PBX3: variants seen among roughly 807,000 people sequenced by gnomAD.
The protein encoded by PBX3 is pre-B-cell leukemia transcription factor 3.
A neutral mutation model predicts 48.5 loss-of-function variants in PBX3; 14 were observed. The ratio of observed to expected loss-of-function variants is 0.29; its 90% CI spans 0.19 to 0.45. The LOEUF (loss-of-function observed/expected upper bound fraction) is 0.45. Ranked by LOEUF, PBX3 falls within the 20% of genes least tolerant of loss-of-function variation. The pLI is 1.00. For synonymous variants in PBX3, 210 were observed against 200.3 expected (o/e 1.05, Z -0.41); for missense variants, 386 against 546.7 (o/e 0.71, Z 2.93).
intron 5 of PBX3, among the ~76,000 whole-genome samples, chr9:125,956,261 G>C (rs995543967): frequency 1.3e-5 from 2 of 152,174 alleles, no homozygotes; most frequent in Admixed American, 6.5e-5. Flanking sequence ...ATAGCAGAGC[G>C]TGAATTTGAA....
At chr9:125,831,294 CT>C (rs1292196586) in intron 2 of PBX3, among the ~76,000 whole-genome samples, 3 of 152,182 alleles carry the variant, frequency 2.0e-5, no homozygotes, top group African/African-American at 7.2e-5. Flanking sequence ...AGCCTGATTT[CT>C]TCATTGTAAA....
rs1247258678 is a variant in PBX3 at position 125,792,048 on chromosome 9, ACG to A, written c.274+43427_274+43428del. On this transcript the variant is annotated intron_variant, in intron 2 of 8. Coordinates refer to ENST00000373489, the MANE Select transcript of PBX3 (RefSeq NM_006195.6). Reference sequence around the variant, plus strand: ...GGATTAATACTACACACACACACGCACGCACGCACGCACGCACGCACGCACGC... The same window carrying A: ...GGATTAATACTACACACACACACGCACACGCACGCACGCACGCACGCACGC... 4.6e-4 allele frequency among the ~76,000 whole-genome samples: 52 copies of A among 113,226 alleles called. 1 individual carries two copies. Among genetic ancestry groups the A allele is most frequent in the South Asian group, 2.3e-3 (10 of 4,418 alleles). The allele number at this position is 113,226 out of a possible 152,430, so 74.3% of individuals were successfully genotyped here.
intron 2 of PBX3, among the ~76,000 whole-genome samples, chr9:125,771,187 AT>A (rs1325448379): frequency 3.3e-5 from 5 of 152,210 alleles, no homozygotes; most frequent in Non-Finnish European, 7.4e-5. Context: ...TCTGAGATTG[AT>A]TTTATGATGC....
chr9:125,818,184 G>A (rs1838523955), intron 2 of PBX3, among the ~76,000 whole-genome samples: 1 of 5,474 alleles, frequency 1.8e-4, no homozygotes, highest in Non-Finnish European at 5.0e-4. Context: ...GGGTGACAGA[G>A]CAAGCCTTTC....
chr9:125,833,329 G>C (rs763075687), intron 2 of PBX3, among the ~76,000 whole-genome samples: 5 of 151,762 alleles, frequency 3.3e-5, no homozygotes, highest in Non-Finnish European at 7.4e-5. Flanking sequence ...ACTAAAAATA[G>C]AAAAATTAGC....
At chr9:125,787,420 A>G (rs1251609884) in intron 2 of PBX3, among the ~76,000 whole-genome samples, 2 of 152,270 alleles carry the variant, frequency 1.3e-5, no homozygotes, top group African/African-American at 2.4e-5. Context: ...GTTACTCCAG[A>G]TAATGAAAGA....
intron 2 of PBX3, among the ~76,000 whole-genome samples, chr9:125,841,704 G>C (rs1413579090): frequency 6.6e-6 from 1 of 152,126 alleles, no homozygotes; most frequent in African/African-American, 2.4e-5. Flanking sequence ...CTTTTGTTCA[G>C]AATGCTGTTG....
At chr9:125,801,228 GA>G (rs1837934696) in intron 2 of PBX3, among the ~76,000 whole-genome samples, 1 of 152,148 alleles carries the variant, frequency 6.6e-6, no homozygotes, top group Non-Finnish European at 1.5e-5. Context: ...ATATCCTTTT[GA>G]TTTTGAAGTA....
intron 5 of PBX3, among the ~76,000 whole-genome samples, chr9:125,936,394 TC>T (rs1315955519): frequency 2.6e-5 from 4 of 152,234 alleles, no homozygotes; most frequent in Admixed American, 2.6e-4. Context: ...GAAGAGCATT[TC>T]TTTATAGCAT....
chr9:125,796,152 C>T (rs1396485345), intron 2 of PBX3, among the ~76,000 whole-genome samples: 1 of 152,148 alleles, frequency 6.6e-6, no homozygotes, highest in Non-Finnish European at 1.5e-5. Flanking sequence ...AAATTAGAAA[C>T]TGGACTTGGC....
chr9:125,748,246 C>T (rs1836259829), intron 1 of PBX3: 13 of 1,047,228 alleles, frequency 1.2e-5, no homozygotes, highest in Non-Finnish European at 1.5e-5. Flanking sequence ...CGTCCCCTCC[C>T]CCGGGTCGCC....
intron 2 of PBX3, among the ~76,000 whole-genome samples, chr9:125,773,656 A>G (rs1476647762): frequency 6.6e-6 from 1 of 152,190 alleles, no homozygotes; most frequent in Non-Finnish European, 1.5e-5. Flanking sequence ...TGTTTCTAGC[A>G]TAGGTGACCC....
intron 4 of PBX3, among the ~76,000 whole-genome samples, chr9:125,933,695 C>G (rs1047069361): frequency 1.3e-5 from 2 of 152,096 alleles, no homozygotes; most frequent in Non-Finnish European, 2.9e-5. Flanking sequence ...AGCTATCACT[C>G]AGCTTTAACC....
At chr9:125,791,071 C>T (rs573004505) in intron 2 of PBX3, among the ~76,000 whole-genome samples, 16 of 152,100 alleles carry the variant, frequency 1.1e-4, no homozygotes, top group East Asian at 3.9e-4. Flanking sequence ...CCTGCCACTA[C>T]GCCTGGCTAA....
intron 2 of PBX3, among the ~76,000 whole-genome samples, chr9:125,751,035 C>T (rs1194330738): frequency 6.6e-6 from 1 of 152,104 alleles, no homozygotes; most frequent in Non-Finnish European, 1.5e-5. Context: ...CTTCCATAGT[C>T]GGTCATGCTT....
chr9:125,905,505 T>C (rs1192314453), intron 2 of PBX3, among the ~76,000 whole-genome samples: 1 of 152,068 alleles, frequency 6.6e-6, no homozygotes. Flanking sequence ...GGACTATGCT[T>C]TGAGAAGTCA....
chr9:125,792,062 G>A (rs553611912), intron 2 of PBX3, among the ~76,000 whole-genome samples: 86 of 150,238 alleles, frequency 5.7e-4, no homozygotes, highest in Non-Finnish European at 1.0e-3. Context: ...ACGCACGCAC[G>A]CACGCACGCA....
intron 2 of PBX3, among the ~76,000 whole-genome samples, chr9:125,855,357 T>G (rs1444611307): frequency 6.6e-6 from 1 of 152,178 alleles, no homozygotes; most frequent in Non-Finnish European, 1.5e-5. Flanking sequence ...ATTTAAAAAT[T>G]ATTTGTAAGT....
chr9:125,808,284 T>G (rs1838186603), intron 2 of PBX3, among the ~76,000 whole-genome samples: 1 of 152,180 alleles, frequency 6.6e-6, no homozygotes, highest in Admixed American at 6.5e-5. Flanking sequence ...ATCTAAAAAA[T>G]TATTACTTGA....
Sources: allele counts gnomAD v4.1 joint callset (sites outside exome capture counted in the v4.1 genomes callset), GRCh38; gene constraint gnomAD v4.1.1; transcripts MANE v1.5; gene names NCBI Gene and HGNC (gene_info 2026-07-23, HGNC 2026-07-21).